PCDHGA2: variants seen among roughly 807,000 people sequenced by gnomAD.
PCDHGA2 encodes the protein protocadherin gamma-A2.
A neutral mutation model predicts 59.2 loss-of-function variants in PCDHGA2; 40 were observed. The observed-to-expected ratio is 0.68, with a 90% CI of 0.52 to 0.88. The LOEUF is 0.88. Ranked by LOEUF, PCDHGA2 falls within the 40% of genes least tolerant of loss-of-function variation. The pLI is 0.00. For synonymous variants in PCDHGA2, 560 were observed against 526.0 expected (o/e 1.06, Z -0.89); for missense variants, 1,226 against 1,204.0 (o/e 1.02, Z -0.27).
Position 141,409,527 on chromosome 5 carries a change from T to A in PCDHGA2, c.2424+68132T>A. 1 of 1,613,970 alleles carries A rather than the reference T, an allele frequency of 6.2e-7. No homozygotes were observed. Among genetic ancestry groups the A allele is most frequent in the South Asian group, 1.1e-5 (1 of 91,084 alleles). ...TCCAGTAGAAGCATCACCTTGTATGTCGCTGACATCAACGACAACGCCCCA... is the reference window on the plus strand; with the variant it reads ...TCCAGTAGAAGCATCACCTTGTATGACGCTGACATCAACGACAACGCCCCA... On this transcript the variant is annotated intron_variant, in intron 1 of 3. Coordinates refer to ENST00000394576, the MANE Select transcript of PCDHGA2 (RefSeq NM_018915.4).
intron 1 of PCDHGA2, chr5:141,427,267 A>C (rs1361287845): frequency 6.6e-6 from 3 of 456,648 alleles, no homozygotes; most frequent in Non-Finnish European, 1.3e-5. Flanking sequence ...ATGACCAGCG[A>C]ATGTAAAATT....
chr5:141,456,872 A>C (rs1003618586), intron 1 of PCDHGA2, among the ~76,000 whole-genome samples: 2 of 152,152 alleles, frequency 1.3e-5, no homozygotes, highest in African/African-American at 4.8e-5. Context: ...CTGAGGCAGG[A>C]GAATCGCTTG....
intron 1 of PCDHGA2, chr5:141,375,569 C>A (rs775153131): frequency 1.2e-6 from 2 of 1,613,970 alleles, no homozygotes; most frequent in East Asian, 2.2e-5. Context: ...AGAAGACACC[C>A]TCCAGGGGGC....
At chr5:141,372,087 C>T in intron 1 of PCDHGA2, 1 of 1,613,740 alleles carries the variant, frequency 6.2e-7, no homozygotes, top group South Asian at 1.1e-5. Context: ...GGTGCTGTAC[C>T]CAGCTCTGGG....
At chr5:141,392,873 G>C (rs1280602911) in intron 1 of PCDHGA2, 1 of 1,613,382 alleles carries the variant, frequency 6.2e-7, no homozygotes, top group Admixed American at 1.7e-5. Flanking sequence ...GCGCGCTGCT[G>C]GGAACGCTGT....
At chr5:141,388,866 C>T in intron 1 of PCDHGA2, 1 of 1,613,950 alleles carries the variant, frequency 6.2e-7, no homozygotes, top group Non-Finnish European at 8.5e-7. Flanking sequence ...AATGATTGCG[C>T]AATGCACAGT....
At chr5:141,422,328 T>C (rs1561800810) in intron 1 of PCDHGA2, 4 of 1,548,502 alleles carry the variant, frequency 2.6e-6, no homozygotes, top group Non-Finnish European at 2.6e-6. Flanking sequence ...GTACAGTGAT[T>C]GCTCTTCTAA....
At chr5:141,365,398 C>G in intron 1 of PCDHGA2, 1 of 1,613,978 alleles carries the variant, frequency 6.2e-7, no homozygotes, top group South Asian at 1.1e-5. Flanking sequence ...CCAGTTCGAT[C>G]TCTGAAGACT....
In PCDHGA2 at chr5:141,482,326, GAAT is replaced by G. The variant is rs1344469521; in HGVS notation, c.2425-12479_2425-12477del. Among the ~76,000 whole-genome samples, 3 of 152,072 alleles carry G rather than the reference GAAT, an allele frequency of 2.0e-5. No homozygotes were observed. The East Asian group carries it at 5.8e-4, about 29-fold the overall frequency. ...AGTTTCCTCATCTATAAAATAAAGAGAATATCTACTTTGCAAACTTGTTGTGAG... is the reference window on the plus strand; with the variant it reads ...AGTTTCCTCATCTATAAAATAAAGAGATCTACTTTGCAAACTTGTTGTGAG... On this transcript the variant is annotated intron_variant, in intron 1 of 3. Transcript: ENST00000394576.
chr5:141,420,304 T>C, intron 1 of PCDHGA2: 1 of 1,462,822 alleles, frequency 6.8e-7, no homozygotes, highest in African/African-American at 1.4e-5. Context: ...TTTAATCCTT[T>C]TTATATTACA....
At chr5:141,414,703 T>C in intron 1 of PCDHGA2, 1 of 1,613,994 alleles carries the variant, frequency 6.2e-7, no homozygotes. Flanking sequence ...CTCATACATA[T>C]CCATCAACTC....
At position 141,340,541 on chromosome 5, in the gene PCDHGA2, C is replaced by G; in HGVS notation, c.1570C>G (p.Gln524Glu). The G allele has an allele frequency of 6.2e-7, 1 of 1,614,256 alleles. No homozygotes were observed. The highest frequency in any genetic ancestry group is 8.5e-7 in the Non-Finnish European group (1 of 1,180,052). The change falls in exon 1 of 4, where the codon CAG becomes GAG. Residue 524 changes from glutamine to glutamate, a missense_variant. Coordinates refer to ENST00000394576, the MANE Select transcript of PCDHGA2 (RefSeq NM_018915.4). ...LYALRSFDYEQLRDLQVWVIA... is the reference protein window; with the variant it reads ...LYALRSFDYEELRDLQVWVIA... The stretch of plus-strand genomic sequence containing the variant: ...TGCACTGCGCTCCTTTGATTATGAG[C>G]AGTTGCGAGACTTGCAAGTGTGGGT...
chr5:141,431,698 ATT>A lies in PCDHGA2; in HGVS notation c.2425-63108_2425-63107del. The A allele has an allele frequency of 6.2e-7, 1 of 1,614,222 alleles. No homozygotes were observed. Among genetic ancestry groups the A allele is most frequent in the South Asian group, 1.1e-5 (1 of 91,090 alleles). ...GGGAGTTGGACCACGAGGAGTCAGG[ATT>A]CTACCAGATGGAAGTGCAAGCAATG... On this transcript the variant is annotated intron_variant, in intron 1 of 3. Transcript: ENST00000394576. The surrounding 1 kb of genome is among the most constrained non-coding windows in gnomAD (Gnocchi z 4.8).
chr5:141,413,176 A>G lies in PCDHGA2; in HGVS notation c.2424+71781A>G, dbSNP rs758582296. 252 of 1,601,774 alleles carry G rather than the reference A, an allele frequency of 1.6e-4. 1 individual carries two copies. Among genetic ancestry groups the G allele is most frequent in the Non-Finnish European group, 2.1e-4 (243 of 1,173,006 alleles). Reference sequence around the variant, plus strand: ...TGCAGAATTCTGTAACCAGACTACAATGGCCGCTCAAAGGAATCGCTCAAA... The same window carrying G: ...TGCAGAATTCTGTAACCAGACTACAGTGGCCGCTCAAAGGAATCGCTCAAA... On this transcript the variant is annotated intron_variant, in intron 1 of 3. Coordinates refer to ENST00000394576, the MANE Select transcript of PCDHGA2 (RefSeq NM_018915.4).
At chr5:141,347,596 G>T (rs913517115) in intron 1 of PCDHGA2, among the ~76,000 whole-genome samples, 1 of 152,098 alleles carries the variant, frequency 6.6e-6, no homozygotes, top group Non-Finnish European at 1.5e-5. Context: ...AGAACACCCT[G>T]GCCAACATGG....
intron 1 of PCDHGA2, among the ~76,000 whole-genome samples, chr5:141,483,875 AT>A (rs2154580008): frequency 6.6e-6 from 1 of 151,964 alleles, no homozygotes; most frequent in Admixed American, 6.6e-5. Context: ...ATCAGGATGG[AT>A]TTTTCTATTT....
At chr5:141,345,403 A>C (rs765536100) in intron 1 of PCDHGA2, 13 of 1,613,628 alleles carry the variant, frequency 8.1e-6, no homozygotes, top group East Asian at 2.2e-5. Flanking sequence ...CATTTATCCT[A>C]CTCCGCCTAC....
At position 141,427,886 on chromosome 5, in the gene PCDHGA2, C is replaced by T. The variant is rs908553179; in HGVS notation, c.2425-66921C>T. The T allele has an allele frequency of 1.9e-6, 3 of 1,565,276 alleles. 1 individual carries two copies. On this transcript the variant is annotated intron_variant, in intron 1 of 3. Coordinates refer to ENST00000394576, the MANE Select transcript of PCDHGA2 (RefSeq NM_018915.4). ...TCGAGCTCACGATGCAGGCCCACGA[C>T]CAGGGCTCGCCCGCGCTCAGCGCCA...
chr5:141,415,044 G>T, intron 1 of PCDHGA2: 2 of 1,613,506 alleles, frequency 1.2e-6, no homozygotes, highest in East Asian at 2.2e-5. Flanking sequence ...TCTTCGCGGT[G>T]GGGGAGCACA....
Sources: gnomAD v4.1 joint callset for allele counts (sites outside exome capture counted in the v4.1 genomes callset) on GRCh38, gnomAD v4.1.1 for gene constraint, Gnocchi (gnomAD v3.1) non-coding constraint, MANE v1.5 for transcripts, NCBI Gene and HGNC (gene_info 2026-07-23, HGNC 2026-07-21) for gene names.